Variants in CSMD1 observed in about 807,000 individuals in gnomAD.
CSMD1 encodes the protein CUB and sushi domain-containing protein 1.
A neutral mutation model predicts 417.5 loss-of-function variants in CSMD1; 213 were observed. That is an observed-to-expected ratio of 0.51 (90% CI 0.46 to 0.57). CSMD1 has a LOEUF of 0.57. CSMD1 is among the 20% of genes least tolerant of loss of function. CSMD1 has a pLI of 0.00. For synonymous variants in CSMD1, 2,862 were observed against 1,736.8 expected, an observed-to-expected ratio of 1.65 and a Z score of -16.11; for missense variants, 6,923 against 4,529.7, an observed-to-expected ratio of 1.53 and a Z score of -15.17.
chr8:4,830,053 C>T (rs1468054071), intron 1 of CSMD1, among the ~76,000 whole-genome samples: 1 of 152,186 alleles, frequency 6.6e-6, no homozygotes, highest in Non-Finnish European at 1.5e-5. Flanking sequence ...AGGACTTATA[C>T]CTGTGCACGT....
At chr8:3,905,514 C>T (rs571019624) in intron 5 of CSMD1, among the ~76,000 whole-genome samples, 22 of 152,170 alleles carry the variant, frequency 1.4e-4, no homozygotes, top group Non-Finnish European at 2.8e-4. Flanking sequence ...CACCTGCTAC[C>T]CAGCGTTTCT....
chr8:3,351,445 T>C (rs1808414556), intron 21 of CSMD1, among the ~76,000 whole-genome samples: 1 of 151,880 alleles, frequency 6.6e-6, no homozygotes, highest in Admixed American at 6.6e-5. Flanking sequence ...ATCCCGTCTC[T>C]ACTAAAAATA....
chr8:4,235,081 C>A lies in CSMD1; in HGVS notation c.415+184872G>T, dbSNP rs572197669. On this transcript the variant is annotated intron_variant, in intron 3 of 69. Transcript: ENST00000635120. ...GCATTCCATCCATAGGAGTCCCTTT[C>A]CAGGGGACTTCAAGAATAGAAAAAT... 2.0e-5 allele frequency among the ~76,000 whole-genome samples: 3 copies of A among 152,242 alleles called. No individual in the cohort carries two copies. In the East Asian group the frequency reaches 5.8e-4, roughly 29 times the overall value.
At chr8:4,357,889 T>A (rs567846755) in intron 3 of CSMD1, among the ~76,000 whole-genome samples, 7 of 152,114 alleles carry the variant, frequency 4.6e-5, no homozygotes, top group African/African-American at 1.2e-4. Context: ...ATCATAGACG[T>A]ATAATTGTAG....
chr8:4,793,932 T>C (rs1175336294), intron 1 of CSMD1, among the ~76,000 whole-genome samples: 1 of 152,088 alleles, frequency 6.6e-6, no homozygotes, highest in Non-Finnish European at 1.5e-5. Flanking sequence ...AAGTTGAGGT[T>C]TGTGTGAAAA....
intron 1 of CSMD1, among the ~76,000 whole-genome samples, chr8:4,707,418 A>T (rs1366204124): frequency 6.6e-6 from 1 of 152,220 alleles, no homozygotes; most frequent in Non-Finnish European, 1.5e-5. Context: ...AGACAAGATG[A>T]TCACATAGTG....
chr8:4,395,724 C>G (rs1804157302), intron 3 of CSMD1, among the ~76,000 whole-genome samples: 1 of 151,950 alleles, frequency 6.6e-6, no homozygotes, highest in African/African-American at 2.4e-5. Context: ...GTAAAATTAG[C>G]AGCTACAAAT....
chr8:3,853,370 T>A (rs543671373), intron 5 of CSMD1, among the ~76,000 whole-genome samples: 20 of 152,190 alleles, frequency 1.3e-4, no homozygotes, highest in Non-Finnish European at 2.6e-4. Flanking sequence ...AAGGTATTGT[T>A]ATGTAATGTA....
At chr8:3,394,403 A>C (rs890143751) in intron 17 of CSMD1, among the ~76,000 whole-genome samples, 3 of 151,782 alleles carry the variant, frequency 2.0e-5, no homozygotes, top group African/African-American at 7.3e-5. Context: ...CATTTATTTA[A>C]ATGACTTGGA....
chr8:3,652,903 A>C (rs1563236697), intron 7 of CSMD1, among the ~76,000 whole-genome samples: 1 of 152,208 alleles, frequency 6.6e-6, no homozygotes, highest in Non-Finnish European at 1.5e-5. Flanking sequence ...TTAATGAATG[A>C]ATAAACGAAT....
intron 26 of CSMD1, among the ~76,000 whole-genome samples, chr8:3,251,946 A>C (rs549308781): frequency 6.6e-6 from 1 of 152,352 alleles, no homozygotes; most frequent in Non-Finnish European, 1.5e-5. Flanking sequence ...GTTGCTTATC[A>C]GCTTAAGGAT....
intron 26 of CSMD1, among the ~76,000 whole-genome samples, chr8:3,268,534 C>T (rs935931942): frequency 2.6e-5 from 4 of 151,990 alleles, no homozygotes; most frequent in Admixed American, 6.6e-5. Flanking sequence ...CATCCGCCCA[C>T]CTCGGCCTCC....
intron 25 of CSMD1, among the ~76,000 whole-genome samples, chr8:3,292,145 GTTTC>G (rs903834907): frequency 2.6e-5 from 4 of 152,168 alleles, no homozygotes; most frequent in Non-Finnish European, 5.9e-5. Flanking sequence ...TGTTGAATGA[GTTTC>G]TTTATCTTGA....
At chr8:4,318,872 G>A (rs1474775348) in intron 3 of CSMD1, among the ~76,000 whole-genome samples, 2 of 152,106 alleles carry the variant, frequency 1.3e-5, no homozygotes, top group South Asian at 2.1e-4. Context: ...TAACATCAGA[G>A]ATCTGTCCTA....
intron 3 of CSMD1, among the ~76,000 whole-genome samples, chr8:4,274,695 C>T (rs1471855021): frequency 6.6e-6 from 1 of 152,080 alleles, no homozygotes; most frequent in African/African-American, 2.4e-5. Flanking sequence ...AGAAGTGCAT[C>T]AGGTGCAAAG....
At chr8:3,672,253 C>G (rs974730920) in intron 7 of CSMD1, among the ~76,000 whole-genome samples, 7 of 152,116 alleles carry the variant, frequency 4.6e-5, no homozygotes, top group Non-Finnish European at 7.3e-5. Flanking sequence ...AAAACTTACA[C>G]ATTATATTAA....
At chr8:3,678,011 A>G (rs1020625080) in intron 7 of CSMD1, among the ~76,000 whole-genome samples, 4 of 152,246 alleles carry the variant, frequency 2.6e-5, no homozygotes, top group East Asian at 3.9e-4. Context: ...GTGTCTGCCT[A>G]TCTTCAAAGC....
intron 3 of CSMD1, among the ~76,000 whole-genome samples, chr8:4,110,217 A>T (rs981737844): frequency 6.6e-6 from 1 of 152,194 alleles, no homozygotes; most frequent in Non-Finnish European, 1.5e-5. Context: ...GAGAATATAG[A>T]TATGAAATAA....
intron 4 of CSMD1, among the ~76,000 whole-genome samples, chr8:4,026,089 C>G: frequency 6.6e-6 from 1 of 151,688 alleles, no homozygotes; most frequent in East Asian, 1.9e-4. Flanking sequence ...AGAATATATA[C>G]TCATTTCATT....
Sources: allele counts gnomAD v4.1 joint callset (sites outside exome capture counted in the v4.1 genomes callset), GRCh38; gene constraint gnomAD v4.1.1; transcripts MANE v1.5; gene names NCBI Gene and HGNC (gene_info 2026-07-23, HGNC 2026-07-21).